RGS6: variants seen among roughly 807,000 people sequenced by gnomAD.
The protein encoded by RGS6 is regulator of G-protein signaling 6.
In RGS6, 30 loss-of-function variants were observed where a neutral mutation model predicts 78.5. The ratio of observed to expected loss-of-function variants is 0.38; its 90% CI spans 0.29 to 0.52. The LOEUF (loss-of-function observed/expected upper bound fraction) is 0.52, where lower values mean the gene tolerates loss of function less well. Among genes scored for constraint, RGS6 ranks in the 20% least tolerant of loss-of-function variants. The pLI is 0.85. For missense variants in RGS6, 495 were observed against 609.7 expected, an observed-to-expected ratio of 0.81 and a Z score of 1.98; for synonymous variants, 206 against 206.0, an observed-to-expected ratio of 1.00 and a Z score of 0.00.
chr14:72,613,548 G>A, the RGS6 span, among the ~76,000 whole-genome samples: 2 of 152,220 alleles, frequency 1.3e-5, no homozygotes, highest in Non-Finnish European at 2.9e-5. Context: ...TGGCACTGGA[G>A]CAGAGAAAGG....
chr14:72,387,410 A>T (rs554226408), intron 3 of RGS6, among the ~76,000 whole-genome samples: 2,745 of 152,114 alleles, frequency 0.018, 92 homozygotes, highest in African/African-American at 0.064. Context: ...TTAGCCAGGT[A>T]TGGTGGCGGG....
chr14:72,122,746 T>TG (rs1356503505), intron 2 of RGS6, among the ~76,000 whole-genome samples: 1 of 151,842 alleles, frequency 6.6e-6, no homozygotes, highest in African/African-American at 2.4e-5. Flanking sequence ...TATCGTTTTT[T>TG]TTTTTTTTTT....
chr14:72,297,383 T>C (rs572446708), intron 2 of RGS6, among the ~76,000 whole-genome samples: 6 of 150,006 alleles, frequency 4.0e-5, no homozygotes, highest in South Asian at 4.1e-4. Flanking sequence ...CTTAAGAATA[T>C]TGAGTTTTCT....
At chr14:72,232,625 G>T (rs1476096490) in intron 2 of RGS6, among the ~76,000 whole-genome samples, 1 of 152,162 alleles carries the variant, frequency 6.6e-6, no homozygotes, top group African/African-American at 2.4e-5. Context: ...CTTGGAAGTG[G>T]TGTCCTCAAT....
At chr14:72,550,180 G>A (rs961190196) in intron 17 of RGS6, among the ~76,000 whole-genome samples, 4 of 152,092 alleles carry the variant, frequency 2.6e-5, no homozygotes, top group Non-Finnish European at 5.9e-5. Flanking sequence ...TAAACATGGC[G>A]ATCCCGGTAA....
At chr14:71,955,651 A>G (rs532793275) in intron 1 of RGS6, among the ~76,000 whole-genome samples, 1 of 152,262 alleles carries the variant, frequency 6.6e-6, no homozygotes, top group South Asian at 2.1e-4. Context: ...TGTAGCAGTG[A>G]GGACAACCAG....
chr14:72,110,079 C>G (rs2095719087), intron 2 of RGS6, among the ~76,000 whole-genome samples: 1 of 152,192 alleles, frequency 6.6e-6, no homozygotes, highest in Non-Finnish European at 1.5e-5. Context: ...CTTAAAAAGT[C>G]AGTAGTGCAG....
chr14:72,113,085 C>T (rs1049885082), intron 2 of RGS6, among the ~76,000 whole-genome samples: 17 of 151,474 alleles, frequency 1.1e-4, no homozygotes, highest in Non-Finnish European at 1.8e-4. Flanking sequence ...CACGCATGCA[C>T]GCATGCATGC....
At chr14:72,354,127 C>T (rs1289438323) in intron 3 of RGS6, among the ~76,000 whole-genome samples, 2 of 152,172 alleles carry the variant, frequency 1.3e-5, no homozygotes, top group Non-Finnish European at 2.9e-5. Context: ...GACTGTCACT[C>T]TTTGAACTCA....
chr14:72,534,436 A>G (rs1371143787), intron 15 of RGS6, among the ~76,000 whole-genome samples: 1 of 152,324 alleles, frequency 6.6e-6, no homozygotes, highest in East Asian at 1.9e-4. Flanking sequence ...ACATAAGTGA[A>G]GACAAGTGGT....
intron 2 of RGS6, among the ~76,000 whole-genome samples, chr14:72,000,272 G>A (rs2083185657): frequency 6.6e-6 from 1 of 152,184 alleles, no homozygotes; most frequent in African/African-American, 2.4e-5. Flanking sequence ...TGAGTCTTGG[G>A]CCATTCATGG....
At position 72,547,182 on chromosome 14, in the gene RGS6, G is replaced by C. The variant is rs537318501; in HGVS notation, c.1422+7088G>C. 130 of 1,535,024 alleles carry C rather than the reference G, an allele frequency of 8.5e-5. 1 individual carries two copies. In the South Asian group the frequency reaches 1.3e-3, roughly 15 times the overall value. ...GACAGAGCCTGCCTCAGTCCTGTCC[G>C]GGGAGCAGCAGCACCGCAGCAGAGG... On this transcript the variant is annotated intron_variant, in intron 17 of 17. Coordinates refer to ENST00000553525, the MANE Select transcript of RGS6 (RefSeq NM_001204424.2).
At chr14:72,212,178 T>A (rs148645766) in intron 2 of RGS6, among the ~76,000 whole-genome samples, 1 of 152,254 alleles carries the variant, frequency 6.6e-6, no homozygotes, top group African/African-American at 2.4e-5. Context: ...ACTCCTCAAT[T>A]GCACACAGCT....
chr14:72,326,374 A>G (rs190743065), intron 2 of RGS6, among the ~76,000 whole-genome samples: 1 of 152,322 alleles, frequency 6.6e-6, no homozygotes, highest in East Asian at 1.9e-4. Context: ...GAGTTTGGAT[A>G]TTTGTCCCTG....
chr14:72,487,630 A>G (rs1279516390), intron 12 of RGS6, among the ~76,000 whole-genome samples: 1 of 152,206 alleles, frequency 6.6e-6, no homozygotes, highest in Non-Finnish European at 1.5e-5. Flanking sequence ...TTGCAGATGG[A>G]AGGGGGCCAC....
the RGS6 span, among the ~76,000 whole-genome samples, chr14:71,888,555 C>T: frequency 1.3e-5 from 2 of 152,108 alleles, no homozygotes; most frequent in East Asian, 3.9e-4. Context: ...TGTCAGCTGG[C>T]CTGCTTGGGT....
chr14:71,989,753 A>T (rs1015007819), intron 2 of RGS6, among the ~76,000 whole-genome samples: 1 of 152,138 alleles, frequency 6.6e-6, no homozygotes, highest in African/African-American at 2.4e-5. Flanking sequence ...TTTTTAGTTT[A>T]TCCTCAGTGA....
intron 2 of RGS6, among the ~76,000 whole-genome samples, chr14:72,187,784 A>G (rs1280013606): frequency 1.3e-5 from 2 of 152,076 alleles, no homozygotes; most frequent in African/African-American, 4.8e-5. Context: ...TTCATTATTC[A>G]CAGTTTCCAT....
chr14:72,357,999 C>T (rs2080695957), intron 3 of RGS6, among the ~76,000 whole-genome samples: 1 of 152,166 alleles, frequency 6.6e-6, no homozygotes, highest in Non-Finnish European at 1.5e-5. Context: ...CCCTGTGTCC[C>T]AGCTGCTCCA....
Sources: allele counts gnomAD v4.1 joint callset (sites outside exome capture counted in the v4.1 genomes callset), GRCh38; gene constraint gnomAD v4.1.1; transcripts MANE v1.5; gene names NCBI Gene and HGNC (gene_info 2026-07-23, HGNC 2026-07-21).